OR7C1: variants seen among roughly 807,000 people sequenced by gnomAD.
OR7C1 encodes olfactory receptor family 7 subfamily C member 1.
For missense variants in OR7C1, 324 were observed against 383.3 expected (o/e 0.85, Z 1.29); for synonymous variants, 152 against 160.7 (o/e 0.95, Z 0.41).
chr19:14,803,307 C>CAAA (rs553496845), intron 2 of OR7C1, among the ~76,000 whole-genome samples: 2,185 of 83,420 alleles, frequency 0.026, 106 homozygotes, highest in African/African-American at 0.089. Context: ...ACTATGTCTC[C>CAAA]AAAAAAAAAA....
chr19:14,812,997 G>A (rs148023055), intron 1 of OR7C1, among the ~76,000 whole-genome samples: 40 of 150,236 alleles, frequency 2.7e-4, no homozygotes, highest in African/African-American at 9.1e-4. Context: ...CCTGGGAGGC[G>A]GAGGTTGCAG....
chr19:14,816,730 C>G (rs569064246), intron 1 of OR7C1, among the ~76,000 whole-genome samples: 1 of 152,140 alleles, frequency 6.6e-6, no homozygotes, highest in Admixed American at 6.5e-5. Context: ...TAATAAACTC[C>G]ACTTCATATA....
chr19:14,824,913 TA>T (rs1444096476), intron 1 of OR7C1: 1 of 152,186 alleles, frequency 6.6e-6, no homozygotes, highest in Non-Finnish European at 1.5e-5. Flanking sequence ...TTATTTCACT[TA>T]TATGTGGAAT....
intron 1 of OR7C1, among the ~76,000 whole-genome samples, chr19:14,821,061 A>G (rs2044738885): frequency 6.6e-6 from 1 of 152,128 alleles, no homozygotes; most frequent in Admixed American, 6.5e-5. Context: ...AACATGGTGA[A>G]ACCCTGTCTC....
exon 5 of OR7C1, chr19:14,799,908 T>C (rs755729211): frequency 1.2e-6 from 2 of 1,613,966 alleles, no homozygotes; most frequent in Non-Finnish European, 1.7e-6. Context: ...TTTGGGACAG[T>C]CGTGGAGGTA....
chr19:14,808,095 G>T (rs1036391112), intron 2 of OR7C1, among the ~76,000 whole-genome samples: 2 of 112,642 alleles, frequency 1.8e-5, no homozygotes, highest in Admixed American at 7.9e-5. Flanking sequence ...TTATTTTAAA[G>T]AAATAAAAAA....
intron 2 of OR7C1, among the ~76,000 whole-genome samples, chr19:14,804,085 C>T (rs1456512834): frequency 1.3e-5 from 2 of 152,066 alleles, no homozygotes; most frequent in African/African-American, 4.8e-5. Flanking sequence ...CCCAGGATTG[C>T]ATGCTAAGTA....
intron 1 of OR7C1, among the ~76,000 whole-genome samples, chr19:14,812,394 C>G (rs12977349): frequency 0.11 from 17,455 of 152,228 alleles, 1,155 homozygotes; most frequent in Non-Finnish European, 0.15. Context: ...AGTTAAAAAT[C>G]AACTCATGAC....
At position 14,813,233 on chromosome 19, in the gene OR7C1, T is replaced by C. The variant is rs146013960; in HGVS notation, c.-622-3240A>G. Among the ~76,000 whole-genome samples, 31 of 151,996 alleles carry C rather than the reference T, an allele frequency of 2.0e-4. No individual in the cohort carries two copies. In the East Asian group the frequency reaches 5.6e-3, roughly 28 times the overall value. On this transcript the variant is annotated intron_variant, in intron 1 of 4. Coordinates refer to ENST00000641666, the Ensembl canonical transcript of OR7C1. ...AAAATATACAAAAATAATTATACAC[T>C]GTATTAGTCCATTTTCATACTGCTA... is the stretch of plus-strand genomic sequence containing the variant.
chr19:14,828,964 A>G (rs2044804268), intron 1 of OR7C1, among the ~76,000 whole-genome samples: 1 of 151,726 alleles, frequency 6.6e-6, no homozygotes, highest in Admixed American at 6.6e-5. Flanking sequence ...ACAATCACAT[A>G]ATATGTCAGA....
At chr19:14,824,327 C>T (rs2044754893) in intron 1 of OR7C1, 1 of 152,168 alleles carries the variant, frequency 6.6e-6, no homozygotes, top group African/African-American at 2.4e-5. Context: ...AACCCATCAC[C>T]CAGGTAGTGA....
intron 2 of OR7C1, among the ~76,000 whole-genome samples, chr19:14,807,895 C>CAAA (rs371693293): frequency 4.4e-5 from 6 of 136,242 alleles, no homozygotes; most frequent in African/African-American, 1.6e-4. Context: ...GACTCAGTCT[C>CAAA]AAAAAAAAAA....
rs201409229 is a variant in OR7C1 at position 14,827,645 on chromosome 19, T to C, written c.-623+7429A>G. The C allele has an allele frequency of 4.0e-5, 65 of 1,614,218 alleles. No homozygotes were observed. In the East Asian group the frequency reaches 1.3e-3, roughly 33 times the overall value. ...CACCCAGCAGCGCAACTGTAAAATA[T>C]ATCACCATGTGATTAAGAAAGCTAT... On this transcript the variant is annotated intron_variant, in intron 1 of 4. Transcript: ENST00000641666.
chr19:14,820,192 A>C (rs1207252847), intron 1 of OR7C1, among the ~76,000 whole-genome samples: 4 of 152,188 alleles, frequency 2.6e-5, no homozygotes, highest in African/African-American at 9.7e-5. Flanking sequence ...GATTACAGGC[A>C]TGAGCCACTG....
At position 14,829,291 on chromosome 19, in the gene OR7C1, C is replaced by T. The variant is rs1197758786; in HGVS notation, c.-623+5783G>A. Among the ~76,000 whole-genome samples the T allele has an allele frequency of 2.0e-5, 3 of 152,340 alleles. No individual in the cohort carries two copies. The East Asian group carries it at 5.8e-4, about 29-fold the overall frequency. On this transcript the variant is annotated intron_variant, in intron 1 of 4. Transcript: ENST00000641666. ...CAATCTCAGATCACTGCAACCTCCACCTCCCAGGTTCAAGCGATTCTCCTG... is the reference window on the plus strand; with the variant it reads ...CAATCTCAGATCACTGCAACCTCCATCTCCCAGGTTCAAGCGATTCTCCTG...
chr19:14,821,055 T>C (rs760484054), intron 1 of OR7C1, among the ~76,000 whole-genome samples: 2 of 152,016 alleles, frequency 1.3e-5, no homozygotes, highest in Non-Finnish European at 2.9e-5. Context: ...CTGGCCAACA[T>C]GGTGAAACCC....
intron 2 of OR7C1, among the ~76,000 whole-genome samples, chr19:14,801,030 G>A (rs906683700): frequency 1.3e-5 from 2 of 152,028 alleles, no homozygotes; most frequent in African/African-American, 2.4e-5. Flanking sequence ...GTGTGTGTCC[G>A]TGTTCTAAAT....
chr19:14,827,473 C>G (rs1323617927), intron 1 of OR7C1: 1 of 1,614,036 alleles, frequency 6.2e-7, no homozygotes, highest in African/African-American at 1.3e-5. Context: ...AGGTACACCC[C>G]TAGGATTGCA....
At chr19:14,811,093 T>C (rs1460905230) in intron 1 of OR7C1, among the ~76,000 whole-genome samples, 2 of 151,916 alleles carry the variant, frequency 1.3e-5, no homozygotes, top group African/African-American at 4.9e-5. Flanking sequence ...TACTTAACTC[T>C]GCCATTGCTG....
Sources: gnomAD v4.1 joint callset for allele counts (sites outside exome capture counted in the v4.1 genomes callset) on GRCh38, gnomAD v4.1.1 for gene constraint, MANE v1.5 for transcripts, NCBI Gene and HGNC (gene_info 2026-07-23, HGNC 2026-07-21) for gene names.